The following USP49 variants were observed in gnomAD, a reference collection of about 807,000 sequenced individuals.
USP49 encodes ubiquitin carboxyl-terminal hydrolase 49.
In USP49, 24 loss-of-function variants were observed where a neutral mutation model predicts 58.6. The ratio of observed to expected loss-of-function variants is 0.41; its 90% CI spans 0.30 to 0.58. The LOEUF is 0.58. Ranked by LOEUF, USP49 falls within the 20% of genes least tolerant of loss-of-function variation. The probability of loss-of-function intolerance (pLI) is 0.30; values close to 1 mark genes in which losing one functional copy is unlikely to be tolerated. For synonymous variants in USP49, 408 were observed against 365.1 expected (o/e 1.12, Z -1.34); for missense variants, 703 against 866.1 (o/e 0.81, Z 2.36).
At chr6:41,799,217 C>T (rs1023001606) in intron 6 of USP49, among the ~76,000 whole-genome samples, 1 of 151,944 alleles carries the variant, frequency 6.6e-6, no homozygotes, top group Non-Finnish European at 1.5e-5. Flanking sequence ...GTGATCCCCC[C>T]ACCTCAGCCT....
chr6:41,839,876 C>G (rs1400344156), intron 3 of USP49, among the ~76,000 whole-genome samples: 4 of 152,094 alleles, frequency 2.6e-5, no homozygotes, highest in African/African-American at 7.2e-5. Flanking sequence ...AAAGAATACA[C>G]AGTAGGTACA....
intron 3 of USP49, among the ~76,000 whole-genome samples, chr6:41,829,862 T>TG (rs1309278206): frequency 1.8e-4 from 28 of 152,318 alleles, no homozygotes; most frequent in African/African-American, 6.3e-4. Flanking sequence ...TCTAGCTTTG[T>TG]GAAAAAAATT....
At chr6:41,859,211 C>T (rs1024800263) in intron 3 of USP49, among the ~76,000 whole-genome samples, 2 of 152,116 alleles carry the variant, frequency 1.3e-5, no homozygotes, top group Non-Finnish European at 2.9e-5. Context: ...CTCTCTAGTT[C>T]ATCCCTCTTT....
At chr6:41,796,822 T>TGAA in intron 7 of USP49, 99 bp from the exon 8 acceptor site, 2 of 642,980 alleles carry the variant, frequency 3.1e-6, no homozygotes, top group Middle Eastern at 2.8e-4. Context: ...AGAGAAGTTC[T>TGAA]GAATAGAGCC....
rs564416940 is a variant in USP49, at chr6:41,866,566, A to G, written c.-29+4998T>C. Among the ~76,000 whole-genome samples, 272 of 152,344 alleles carry G rather than the reference A, an allele frequency of 1.8e-3. 1 individual carries two copies. The highest frequency in any genetic ancestry group is 6.8e-3 in the Middle Eastern group (2 of 294). The stretch of plus-strand genomic sequence containing the variant: ...TTTGGTACATATCAGTGGGAGAGAC[A>G]TCATGACTTTCAACCCACACTGGGA... On this transcript the variant is annotated intron_variant, in intron 3 of 7. Coordinates refer to ENST00000682992, the MANE Select transcript of USP49 (RefSeq NM_001286554.2).
chr6:41,790,908 G>T lies in USP49; in HGVS notation c.*5625C>A, dbSNP rs1007158999. 7 of 152,122 alleles carry T rather than the reference G, an allele frequency of 4.6e-5. No individual in the cohort carries two copies. Among genetic ancestry groups the T allele is most frequent in the African/African-American group, 1.7e-4 (7 of 41,428 alleles). 9.4% of individuals were successfully genotyped at this position (152,122 alleles called of 1,614,324 possible). A position where few individuals can be genotyped will look rare whatever the true frequency, so the allele number is the denominator to read the frequency against. On this transcript the variant is annotated 3_prime_UTR_variant, in exon 8 of 8. Transcript: ENST00000682992. ...TCACATGAGAGCAAAGCTTAGCTTT[G>T]AAGCCATCACCTCCCAAATGGTGAC...
chr6:41,885,315 A>T (rs1774689985), intron 2 of USP49, among the ~76,000 whole-genome samples: 1 of 152,196 alleles, frequency 6.6e-6, no homozygotes, highest in Non-Finnish European at 1.5e-5. Context: ...AACATTTTCA[A>T]ACAAACAAAA....
chr6:41,843,611 T>A (rs1013137017), intron 3 of USP49, among the ~76,000 whole-genome samples: 2 of 152,052 alleles, frequency 1.3e-5, no homozygotes, highest in African/African-American at 4.8e-5. Context: ...CAAAACAGTA[T>A]CTTTAAAAGA....
chr6:41,880,665 T>C (rs937809924), intron 2 of USP49, among the ~76,000 whole-genome samples: 1 of 152,110 alleles, frequency 6.6e-6, no homozygotes, highest in Non-Finnish European at 1.5e-5. Context: ...AAATCAAGTA[T>C]AAAAGAAAAT....
chr6:41,831,396 G>C (rs1375220638), intron 3 of USP49, among the ~76,000 whole-genome samples: 1 of 149,744 alleles, frequency 6.7e-6, no homozygotes, highest in Non-Finnish European at 1.5e-5. Context: ...TCTCAAAACA[G>C]AAATAAAAAT....
At chr6:41,838,563 G>A (rs1421482401) in intron 3 of USP49, among the ~76,000 whole-genome samples, 1 of 152,160 alleles carries the variant, frequency 6.6e-6, no homozygotes, top group Non-Finnish European at 1.5e-5. Flanking sequence ...TATCCCTAGG[G>A]GAAGGGGGAG....
Position 41,799,920 on chromosome 6 carries a change from T to C in USP49, c.1580A>G (p.Asn527Ser), listed in dbSNP as rs1235676517. The C allele has an allele frequency of 1.2e-6, 2 of 1,613,952 alleles. No homozygotes were observed. The highest frequency in any genetic ancestry group is 1.7e-6 in the Non-Finnish European group (2 of 1,179,956). ...TTCACTCAGAACAAGGGGTTTGGGA[T>C]TGGATTTTCGTCGTTTGCCTATGTG... ...DQCNSKRRKSNPKPLVLSEAR... is the reference protein window; with the variant it reads ...DQCNSKRRKSSPKPLVLSEAR... The change falls in exon 6 of 8, where the codon AAT becomes AGT. Residue 527 changes from asparagine (N) to serine (S), a missense_variant. Around this residue, in one of 6 missense-constraint regions of USP49, gnomAD observed 158 missense variants for 241.2 expected, o/e 0.66. Transcript: ENST00000682992.
At position 41,806,564 on chromosome 6, in the gene USP49, G is replaced by T; in HGVS notation, c.420C>A (p.Leu140=). 6.2e-7 allele frequency: 1 copy of T among 1,603,276 alleles called. No homozygotes were observed. The highest frequency in any genetic ancestry group is 8.5e-7 in the Non-Finnish European group (1 of 1,178,822). The change falls in exon 4 of 8, where the codon CTC becomes CTA. Residue 140 remains leucine (L), a synonymous_variant. Transcript: ENST00000682992. This position sits in a 1 kb window ranked among gnomAD's most constrained non-coding sequence, Gnocchi z 5.9. ...GCTGACGCCGGTACCACAGAGCCGT[G>T]AGCATCTGCGGCTGTCCCTGAGGAG... ...QRAPQGQPQM[L]TALWYRRQRL...
Position 41,806,300 on chromosome 6 carries a change from G to C in USP49, c.684C>G (p.Ala228=), listed in dbSNP as rs767008188. The part of the protein sequence containing the change: ...DAGPAASRPA[A]LPTSRRVPAA... ...CGGGCACTCTGCGTGAGGTAGGGAG[G>C]GCGGCGGGGCGCGAGGCAGCCGGGC... The change falls in exon 4 of 8, where the codon GCC becomes GCG. Residue 228 remains alanine, a synonymous_variant. Transcript: ENST00000682992. This position sits in a 1 kb window ranked among gnomAD's most constrained non-coding sequence, Gnocchi z 5.9. The C allele has an allele frequency of 6.3e-7, 1 of 1,588,120 alleles. No individual in the cohort carries two copies. Among genetic ancestry groups the C allele is most frequent in the Non-Finnish European group, 8.5e-7 (1 of 1,172,682 alleles).
intron 3 of USP49, among the ~76,000 whole-genome samples, chr6:41,827,358 C>T (rs1773557255): frequency 6.6e-6 from 1 of 152,068 alleles, no homozygotes; most frequent in Non-Finnish European, 1.5e-5. Context: ...TTTAAGATTT[C>T]TCCAAGTAGA....
chr6:41,871,962 A>G (rs1774418952), intron 2 of USP49, among the ~76,000 whole-genome samples: 1 of 152,272 alleles, frequency 6.6e-6, no homozygotes, highest in Non-Finnish European at 1.5e-5. Flanking sequence ...AAACTCAGGA[A>G]AAAACACACA....
Position 41,790,773 on chromosome 6 carries a change from T to G in USP49, c.*5760A>C, listed in dbSNP as rs1772783775. On this transcript the variant is annotated 3_prime_UTR_variant, in exon 8 of 8. Coordinates refer to ENST00000682992, the MANE Select transcript of USP49 (RefSeq NM_001286554.2). ...TGTATATAAAAACAGCACCATTCTT[T>G]GTATAAATCAGATAGATCTTATCTG... 1 of 152,224 alleles carries G rather than the reference T, an allele frequency of 6.6e-6. No homozygotes were observed. The highest frequency in any genetic ancestry group is 2.4e-5 in the African/African-American group (1 of 41,462). 9.4% of individuals were successfully genotyped at this position (152,224 alleles called of 1,614,324 possible). A position where few individuals can be genotyped will look rare whatever the true frequency, so the allele number is the denominator to read the frequency against.
intron 2 of USP49, among the ~76,000 whole-genome samples, chr6:41,889,144 T>C (rs1489904580): frequency 6.6e-6 from 1 of 151,968 alleles, no homozygotes; most frequent in Non-Finnish European, 1.5e-5. Flanking sequence ...GCAATTTTCC[T>C]GCCTCAGTCT....
Position 41,792,842 on chromosome 6 carries a change from A to C in USP49, c.*3691T>G, listed in dbSNP as rs1772820258. On this transcript the variant is annotated 3_prime_UTR_variant, in exon 8 of 8. Coordinates refer to ENST00000682992, the MANE Select transcript of USP49 (RefSeq NM_001286554.2). ...ATCTTTTCAATTCCATGCAAACCGTAATTGAGTACAAGGCACCAAATTTTA... is the reference window on the plus strand; with the variant it reads ...ATCTTTTCAATTCCATGCAAACCGTCATTGAGTACAAGGCACCAAATTTTA... The C allele has an allele frequency of 6.6e-6, 1 of 152,258 alleles. No homozygotes were observed. The highest frequency in any genetic ancestry group is 1.9e-4 in the East Asian group (1 of 5,206). 9.4% of individuals were successfully genotyped at this position (152,258 alleles called of 1,614,324 possible).
Sources: gnomAD v4.1 joint callset for allele counts (sites outside exome capture counted in the v4.1 genomes callset) on GRCh38, gnomAD v4.1.1 for gene constraint, gnomAD v4.1.1 regional missense constraint, Gnocchi (gnomAD v3.1) non-coding constraint, MANE v1.5 for transcripts, NCBI Gene and HGNC (gene_info 2026-07-23, HGNC 2026-07-21) for gene names.